Variants in PLXNA2 observed in about 807,000 individuals in gnomAD.
The protein encoded by PLXNA2 is plexin-A2.
PLXNA2 carries 91 observed loss-of-function variants against 193.5 expected under a neutral mutation model. The observed-to-expected ratio is 0.47, with a 90% confidence interval of 0.40 to 0.56. The LOEUF (loss-of-function observed/expected upper bound fraction) is 0.56. Ranked by LOEUF, PLXNA2 falls within the 20% of genes least tolerant of loss-of-function variation. PLXNA2 has a pLI of 0.00. For synonymous variants in PLXNA2, 997 were observed against 1,027.3 expected (o/e 0.97, Z 0.56); for missense variants, 1,995 against 2,503.2 (o/e 0.80, Z 4.33).
intron 4 of PLXNA2, among the ~76,000 whole-genome samples, chr1:208,113,048 C>T (rs1396746613): frequency 1.4e-5 from 2 of 146,770 alleles, no homozygotes; most frequent in East Asian, 4.0e-4. Flanking sequence ...ACTGTGTTGT[C>T]TCCATGACAA....
At chr1:208,047,017 G>A (rs548869082) in intron 17 of PLXNA2, among the ~76,000 whole-genome samples, 1 of 152,282 alleles carries the variant, frequency 6.6e-6, no homozygotes, top group South Asian at 2.1e-4. Flanking sequence ...CTGGAGTGCA[G>A]TGGTGCGATC....
chr1:208,113,359 A>T (rs1346780955), intron 4 of PLXNA2, among the ~76,000 whole-genome samples: 1 of 152,170 alleles, frequency 6.6e-6, no homozygotes, highest in Non-Finnish European at 1.5e-5. Flanking sequence ...GTGAGGCCCC[A>T]GGACACACAG....
intron 3 of PLXNA2, among the ~76,000 whole-genome samples, chr1:208,149,238 G>A (rs879471185): frequency 5.3e-5 from 8 of 151,884 alleles, no homozygotes; most frequent in Non-Finnish European, 1.2e-4. Flanking sequence ...TGTATGTGTT[G>A]TGTGTGTATG....
At chr1:208,108,890 A>G (rs1667366885) in intron 4 of PLXNA2, among the ~76,000 whole-genome samples, 1 of 152,208 alleles carries the variant, frequency 6.6e-6, no homozygotes, top group South Asian at 2.1e-4. Flanking sequence ...TCAGTGTTCA[A>G]GCGATCTGCA....
intron 3 of PLXNA2, among the ~76,000 whole-genome samples, chr1:208,195,342 T>A (rs944622512): frequency 6.6e-6 from 1 of 152,162 alleles, no homozygotes; most frequent in Non-Finnish European, 1.5e-5. Flanking sequence ...CTCTAGCTTT[T>A]GTGGAGATCC....
At chr1:208,047,816 C>T (rs780112249) in intron 17 of PLXNA2, among the ~76,000 whole-genome samples, 5 of 152,254 alleles carry the variant, frequency 3.3e-5, no homozygotes, top group African/African-American at 7.2e-5. Context: ...CTTAACCCTT[C>T]CTTTCCAAAG....
chr1:208,136,691 C>A (rs1434108882), intron 4 of PLXNA2, among the ~76,000 whole-genome samples: 1 of 152,210 alleles, frequency 6.6e-6, no homozygotes, highest in Admixed American at 6.5e-5. Flanking sequence ...GGAGACTCAG[C>A]TCAGTGCTGT....
intron 12 of PLXNA2, among the ~76,000 whole-genome samples, chr1:208,065,839 T>C (rs548647678): frequency 2.0e-5 from 3 of 152,300 alleles, no homozygotes; most frequent in East Asian, 1.9e-4. Context: ...CAAAATAAGT[T>C]TGGAAGAACA....
In PLXNA2 at chr1:208,027,301, C is replaced by T. The variant is rs778714938; in HGVS notation, c.5627G>A (p.Arg1876Gln). The T allele has an allele frequency of 7.4e-6, 12 of 1,613,426 alleles. No homozygotes were observed. The highest frequency in any genetic ancestry group is 4.0e-5 in the African/African-American group (3 of 74,912). Reference protein sequence around the residue: ...GALEQDEQARRQRLAYKVEQL... With the variant: ...GALEQDEQARQQRLAYKVEQL... Reference sequence around the variant, plus strand: ...CTCCACCTTATAAGCCAGCCGCTGCCGCCGTGCCTGCTCATCCTGCTCTAG... The same window carrying T: ...CTCCACCTTATAAGCCAGCCGCTGCTGCCGTGCCTGCTCATCCTGCTCTAG... Residue 1876 changes from arginine to glutamine, a missense_variant, in exon 32 of 32, where the codon CGG becomes CAG. Transcript: ENST00000367033.
chr1:208,218,046 G>C (rs1195633107), intron 1 of PLXNA2, 44 bp from the exon 2 acceptor site: 19 of 1,518,528 alleles, frequency 1.3e-5, no homozygotes, highest in Non-Finnish European at 1.7e-5. Context: ...AATAATTTCC[G>C]GGAGGAGCAA....
intron 29 of PLXNA2, chr1:208,031,308 A>G: frequency 8.0e-7 from 1 of 1,256,264 alleles, no homozygotes; most frequent in Non-Finnish European, 1.0e-6. Flanking sequence ...GAGCCAGGGG[A>G]GGAGGCTCTT....
chr1:208,158,327 A>G (rs894625007), intron 3 of PLXNA2, among the ~76,000 whole-genome samples: 1 of 151,674 alleles, frequency 6.6e-6, no homozygotes, highest in East Asian at 1.9e-4. Flanking sequence ...CTCCATATAC[A>G]TTGTTTCTTT....
intron 4 of PLXNA2, among the ~76,000 whole-genome samples, chr1:208,121,761 G>GAC (rs1667812784): frequency 6.6e-6 from 1 of 151,984 alleles, no homozygotes; most frequent in Non-Finnish European, 1.5e-5. Context: ...GGTAGCCCCT[G>GAC]ACACACACAC....
In PLXNA2 at chr1:208,217,250, G is replaced by A; in HGVS notation, c.673C>T (p.Leu225Phe). The A allele has an allele frequency of 1.2e-6, 2 of 1,614,160 alleles. No individual in the cohort carries two copies. Among genetic ancestry groups the A allele is most frequent in the East Asian group, 2.2e-5 (1 of 44,878 alleles). Residue 225 changes from leucine to phenylalanine, a missense_variant, in exon 2 of 32, where the codon CTC (leucine) becomes TTC (phenylalanine). This residue lies in a region of PLXNA2 where 702 missense variants were observed against 812.9 expected (regional missense o/e 0.86). Coordinates refer to ENST00000367033, the MANE Select transcript of PLXNA2 (RefSeq NM_025179.4). This position sits in a 1 kb window ranked among gnomAD's most constrained non-coding sequence, Gnocchi z 4.7. The part of the protein sequence containing the change: ...YELHSDFVSS[L>F]IKIPSDTLAL... ...AGGGTGTCTGAAGGGATCTTGATGA[G>A]AGAGGAGACAAAATCGCTGTGTAGC...
chr1:208,232,575 A>C (rs1671723441), intron 1 of PLXNA2, among the ~76,000 whole-genome samples: 4 of 152,198 alleles, frequency 2.6e-5, no homozygotes, highest in Admixed American at 1.3e-4. Flanking sequence ...TCTCCAACCA[A>C]GCTGATAATA....
At chr1:208,047,072 T>G (rs1015067772) in intron 17 of PLXNA2, among the ~76,000 whole-genome samples, 4 of 152,186 alleles carry the variant, frequency 2.6e-5, no homozygotes, top group African/African-American at 9.7e-5. Flanking sequence ...GTGATTCTCC[T>G]GCCTCAGCTT....
chr1:208,025,024 T>C lies in PLXNA2; in HGVS notation c.*2219A>G, dbSNP rs189468249. 6.5e-6 allele frequency: 1 copy of C among 152,798 alleles called. No homozygotes were observed. The highest frequency in any genetic ancestry group is 1.9e-4 in the East Asian group (1 of 5,188). The allele number at this position is 152,798 out of a possible 1,614,324, so 9.5% of individuals were successfully genotyped here. ...CTTAGTGCGGAAGGCCAGTCATTAG[T>C]ATTTCCTTCAGGCTACTAATAGGGC... On this transcript the variant is annotated 3_prime_UTR_variant, in exon 32 of 32. Coordinates refer to ENST00000367033, the MANE Select transcript of PLXNA2 (RefSeq NM_025179.4).
chr1:208,191,874 G>A (rs1313440079), intron 3 of PLXNA2, among the ~76,000 whole-genome samples: 1 of 152,088 alleles, frequency 6.6e-6, no homozygotes, highest in Non-Finnish European at 1.5e-5. Flanking sequence ...CAGGGCGAGG[G>A]GTTCCTAGTC....
At chr1:208,137,708 T>C (rs566815799) in intron 4 of PLXNA2, among the ~76,000 whole-genome samples, 1 of 152,330 alleles carries the variant, frequency 6.6e-6, no homozygotes, top group African/African-American at 2.4e-5. Flanking sequence ...AACAGTACAT[T>C]ACCATTGACT....
Sources: allele counts gnomAD v4.1 joint callset (sites outside exome capture counted in the v4.1 genomes callset), GRCh38; gene constraint gnomAD v4.1.1; regional missense constraint gnomAD v4.1.1; non-coding constraint Gnocchi (gnomAD v3.1); transcripts MANE v1.5; gene names NCBI Gene and HGNC (gene_info 2026-07-23, HGNC 2026-07-21).